Variants in TOX4 observed in about 807,000 individuals in gnomAD.
The protein encoded by TOX4 is epidermal Langerhans cell protein LCP1.
TOX4 carries 12 observed loss-of-function variants against 61.0 expected under a neutral mutation model. That is an observed-to-expected ratio of 0.20 (90% CI 0.13 to 0.32). The LOEUF (loss-of-function observed/expected upper bound fraction) is 0.32, where lower values mean the gene tolerates loss of function less well. Ranked by LOEUF, TOX4 falls within the 10% of genes least tolerant of loss-of-function variation. The pLI is 1.00. For synonymous variants in TOX4, 268 were observed against 274.8 expected (o/e 0.98, Z 0.24); for missense variants, 499 against 753.3 (o/e 0.66, Z 3.95).
At position 21,497,335 on chromosome 14, in the gene TOX4, G is replaced by A. The variant is rs996110288; in HGVS notation, c.*729G>A. 1 of 152,082 alleles carries A rather than the reference G, an allele frequency of 6.6e-6. No individual in the cohort carries two copies. The highest frequency in any genetic ancestry group is 2.4e-5 in the African/African-American group (1 of 41,406). The allele number at this position is 152,082 out of a possible 1,614,324, so 9.4% of individuals were successfully genotyped here. A position where few individuals can be genotyped will look rare whatever the true frequency, so the allele number is the denominator to read the frequency against. On this transcript the variant is annotated 3_prime_UTR_variant, in exon 9 of 9. Coordinates refer to ENST00000448790, the MANE Select transcript of TOX4 (RefSeq NM_014828.4). ...ACATAATCTAAAGAAAAACAGACTAGAGAAGCCACCTGGTTGTAACAGAAT... is the reference window on the plus strand; with the variant it reads ...ACATAATCTAAAGAAAAACAGACTAAAGAAGCCACCTGGTTGTAACAGAAT...
Position 21,477,498 on chromosome 14 carries a change from T to G in TOX4, c.9T>G (p.Phe3Leu). Residue 3 changes from phenylalanine (F) to leucine (L), a missense_variant and splice_region_variant, in exon 2 of 9, where the codon TTT becomes TTG. Coordinates refer to ENST00000448790, the MANE Select transcript of TOX4 (RefSeq NM_014828.4). ME[F>L]PGGNDNYLTI... is the part of the protein sequence containing the mutation. ...CGCGACTTTCTTTTGGTTTCCAGTT[T>G]CCCGGAGGAAATGACAATTACCTGA... 5 of 1,613,396 alleles carry G rather than the reference T, an allele frequency of 3.1e-6. No homozygotes were observed. Among genetic ancestry groups the G allele is most frequent in the Non-Finnish European group, 4.2e-6 (5 of 1,180,016 alleles).
chr14:21,493,014 T>G lies in TOX4; in HGVS notation c.1398T>G (p.Pro466=), dbSNP rs747003112. ...AGCAAGTTACCATTCTGCAGCAGCCTCCTCCACTCCAGGCCATGCAACAGC... is the reference window on the plus strand; with the variant it reads ...AGCAAGTTACCATTCTGCAGCAGCCGCCTCCACTCCAGGCCATGCAACAGC... ...TQQQVTILQQ[P]PPLQAMQQPP... Residue 466 remains proline (P), a synonymous_variant, in exon 7 of 9, where the codon CCT becomes CCG. Coordinates refer to ENST00000448790, the MANE Select transcript of TOX4 (RefSeq NM_014828.4). The G allele has an allele frequency of 9.3e-6, 15 of 1,613,494 alleles. No homozygotes were observed. The South Asian group carries it at 1.5e-4, about 17-fold the overall frequency.
rs377701999 is a variant in TOX4, at chr14:21,487,682, G to T, written c.307G>T (p.Gly103Cys). The change falls in exon 3 of 9, where the codon GGC (glycine) becomes TGC (cysteine). Residue 103 changes from glycine to cysteine, a missense_variant. Physicochemically the swap from Gly to Cys is radical, Grantham distance 159. This residue lies in a region of TOX4 where 90 missense variants were observed against 109.5 expected (regional missense o/e 0.82). Transcript: ENST00000448790. ...MEQGGGLLSG[G>C]LTMDLDHSIG... The stretch of plus-strand genomic sequence containing the variant: ...GCAGGGCGGGGGGCTCCTGAGTGGG[G>T]GCTTGACCATGGTAAGGGGCAAGAC... The T allele has an allele frequency of 3.7e-5, 60 of 1,611,334 alleles. No homozygotes were observed. The highest frequency in any genetic ancestry group is 4.9e-5 in the Non-Finnish European group (58 of 1,177,960).
chr14:21,480,757 A>G (rs1375596399), intron 2 of TOX4, among the ~76,000 whole-genome samples: 1 of 152,348 alleles, frequency 6.6e-6, no homozygotes, highest in African/African-American at 2.4e-5. Flanking sequence ...TTCAGAATAT[A>G]TCAAGTACTT....
In TOX4 at chr14:21,488,635, G is replaced by A. The variant is rs756670468; in HGVS notation, c.364G>A (p.Val122Ile). The stretch of plus-strand genomic sequence containing the variant: ...AACTCAGTATAGTGCCAACCCACCT[G>A]TTACAATTGATGTACCAATGACAGA... ...IGTQYSANPP[V>I]TIDVPMTDMT... The change falls in exon 4 of 9, where the codon GTT (valine) becomes ATT (isoleucine). Residue 122 changes from valine to isoleucine, a missense_variant. Val to Ile is a conservative substitution (Grantham distance 29). Coordinates refer to ENST00000448790, the MANE Select transcript of TOX4 (RefSeq NM_014828.4). 6.2e-7 allele frequency: 1 copy of A among 1,614,144 alleles called. No homozygotes were observed.
chr14:21,492,091 T>C, intron 5 of TOX4: 2 of 470,066 alleles, frequency 4.3e-6, no homozygotes, highest in South Asian at 8.4e-5. Context: ...TGTCGATTGG[T>C]TGTCTTTCAG....
At chr14:21,490,418 T>G (rs1594429374) in intron 5 of TOX4, among the ~76,000 whole-genome samples, 1 of 152,106 alleles carries the variant, frequency 6.6e-6, no homozygotes, top group Non-Finnish European at 1.5e-5. Flanking sequence ...GAGGTTGCGG[T>G]GAGCCGAGAT....
chr14:21,484,398 G>C (rs1442023762), intron 2 of TOX4, among the ~76,000 whole-genome samples: 1 of 124,528 alleles, frequency 8.0e-6, no homozygotes, highest in Admixed American at 1.0e-4. Flanking sequence ...ACCCGGGCTG[G>C]AGTGCAGTGG....
rs558660990 is a variant in TOX4, at chr14:21,482,434, A to G, written c.75+4870A>G. 6.3e-5 allele frequency: 24 copies of G among 379,778 alleles called. No homozygotes were observed. In the East Asian group the frequency reaches 1.1e-3, roughly 17 times the overall value. 23.5% of individuals were successfully genotyped at this position (379,778 alleles called of 1,614,324 possible). On this transcript the variant is annotated intron_variant, in intron 2 of 8. Coordinates refer to ENST00000448790, the MANE Select transcript of TOX4 (RefSeq NM_014828.4). The stretch of plus-strand genomic sequence containing the variant: ...GATCTATATAATAAGCTAAAGAAAT[A>G]ATAGATTGTATGTTTTGGGATCAGA...
Position 21,483,569 on chromosome 14 carries a change from T to C in TOX4, c.76-3882T>C, listed in dbSNP as rs1352382799. 4.6e-5 allele frequency among the ~76,000 whole-genome samples: 7 copies of C among 151,936 alleles called. No homozygotes were observed. In the South Asian group the frequency reaches 1.2e-3, roughly 27 times the overall value. On this transcript the variant is annotated intron_variant, in intron 2 of 8. Coordinates refer to ENST00000448790, the MANE Select transcript of TOX4 (RefSeq NM_014828.4). Reference sequence around the variant, plus strand: ...GCTCACACTTGTAATCCTAGAACTTTGGGAGGCCAAGGTGGGAAGATCACT... The same window carrying C: ...GCTCACACTTGTAATCCTAGAACTTCGGGAGGCCAAGGTGGGAAGATCACT...
chr14:21,482,648 G>A, intron 2 of TOX4: 2 of 449,632 alleles, frequency 4.4e-6, no homozygotes, highest in Non-Finnish European at 9.1e-6. Flanking sequence ...CTCTTTCTGT[G>A]TCCAAACCAC....
intron 2 of TOX4, 24 bp downstream of exon 2, chr14:21,477,588 C>G: frequency 6.2e-7 from 1 of 1,612,528 alleles, no homozygotes; most frequent in Non-Finnish European, 8.5e-7. Context: ...GCCGACGCCG[C>G]GGGGGTAGGG....
intron 2 of TOX4, among the ~76,000 whole-genome samples, chr14:21,482,374 G>T (rs1891120394): frequency 6.6e-6 from 1 of 152,108 alleles, no homozygotes; most frequent in African/African-American, 2.4e-5. Context: ...TGAATAAATA[G>T]GTGTTGGATT....
intron 5 of TOX4, among the ~76,000 whole-genome samples, chr14:21,489,664 C>T (rs1298118446): frequency 5.3e-5 from 8 of 151,940 alleles, no homozygotes; most frequent in Admixed American, 2.0e-4. Flanking sequence ...CTGCAAGCTC[C>T]GCCTCCTGGG....
chr14:21,496,855 C>G lies in TOX4; in HGVS notation c.*249C>G. ...TAGCAGAGGAAAGGGTGAAGGGAGTCTGGGCAAGCAAAGCATAGAGATGGT... is the reference window on the plus strand; with the variant it reads ...TAGCAGAGGAAAGGGTGAAGGGAGTGTGGGCAAGCAAAGCATAGAGATGGT... On this transcript the variant is annotated 3_prime_UTR_variant, in exon 9 of 9. Coordinates refer to ENST00000448790, the MANE Select transcript of TOX4 (RefSeq NM_014828.4). 2.3e-6 allele frequency: 1 copy of G among 425,606 alleles called. No homozygotes were observed. Among genetic ancestry groups the G allele is most frequent in the East Asian group, 4.3e-5 (1 of 23,214 alleles). 26.4% of individuals were successfully genotyped at this position (425,606 alleles called of 1,614,324 possible).
intron 7 of TOX4, among the ~76,000 whole-genome samples, chr14:21,494,093 C>T (rs1367644647): frequency 6.6e-6 from 1 of 152,126 alleles, no homozygotes. Context: ...CTGCCCCAGA[C>T]CACTCCTTAA....
At chr14:21,479,795 T>C (rs1403823283) in intron 2 of TOX4, among the ~76,000 whole-genome samples, 1 of 152,196 alleles carries the variant, frequency 6.6e-6, no homozygotes, top group Non-Finnish European at 1.5e-5. Flanking sequence ...ATTCCCAATT[T>C]CTCCTCAATC....
chr14:21,487,642 C>T lies in TOX4; in HGVS notation c.267C>T (p.Thr89=). The change falls in exon 3 of 9, where the codon ACC becomes ACT. Residue 89 remains threonine (T), a synonymous_variant. Transcript: ENST00000448790. ...CATTGGACATGCCTGTGGGCATGAC[C>T]CATGGCTTGATGGAGCAGGGCGGGG... ...VQTLDMPVGM[T]HGLMEQGGGL... 6.2e-7 allele frequency: 1 copy of T among 1,614,058 alleles called. No homozygotes were observed. The highest frequency in any genetic ancestry group is 8.5e-7 in the Non-Finnish European group (1 of 1,180,018).
At chr14:21,493,283 G>T (rs767452012) in intron 7 of TOX4, 26 bp downstream of exon 7, 5 of 1,569,764 alleles carry the variant, frequency 3.2e-6, no homozygotes, top group Non-Finnish European at 4.3e-6. Context: ...TAAGTCTTTA[G>T]TCTAGTGGAA....
Sources: allele counts gnomAD v4.1 joint callset (sites outside exome capture counted in the v4.1 genomes callset), GRCh38; gene constraint gnomAD v4.1.1; regional missense constraint gnomAD v4.1.1; transcripts MANE v1.5; gene names NCBI Gene and HGNC (gene_info 2026-07-23, HGNC 2026-07-21).